The following SEPTIN10 variants were observed in gnomAD, a reference collection of about 807,000 sequenced individuals.
SEPTIN10 encodes septin 10.
A neutral mutation model predicts 54.8 loss-of-function variants in SEPTIN10; 66 were observed. The ratio of observed to expected loss-of-function variants is 1.21; its 90% CI spans 0.99 to 1.48. SEPTIN10 has a LOEUF of 1.48. Among genes scored for constraint, SEPTIN10 ranks in the 40% most tolerant of loss-of-function variants. The pLI is 0.00. For missense variants in SEPTIN10, 620 were observed against 545.6 expected (o/e 1.14, Z -1.36); for synonymous variants, 161 against 181.0 (o/e 0.89, Z 0.89).
chr2:109,548,018 C>A (rs1681761177), intron 9 of SEPTIN10, among the ~76,000 whole-genome samples: 1 of 152,080 alleles, frequency 6.6e-6, no homozygotes, highest in Non-Finnish European at 1.5e-5. Context: ...ATACCCCCAG[C>A]ACAGCACACA....
At chr2:109,545,964 C>A in intron 10 of SEPTIN10, 86 bp downstream of exon 10, 1 of 1,486,852 alleles carries the variant, frequency 6.7e-7, no homozygotes, top group South Asian at 1.4e-5. Flanking sequence ...CATAAGGAAG[C>A]AGAAGTAAGA....
intron 2 of SEPTIN10, among the ~76,000 whole-genome samples, chr2:109,588,407 C>A (rs1395704396): frequency 4.6e-5 from 7 of 151,806 alleles, no homozygotes; most frequent in Admixed American, 3.9e-4. Context: ...AGGTTACATG[C>A]ACAAGTAAAA....
intron 7 of SEPTIN10, 32 bp from the exon 8 acceptor site, chr2:109,564,566 C>A (rs1311604042): frequency 6.9e-7 from 1 of 1,445,098 alleles, no homozygotes; most frequent in Non-Finnish European, 9.2e-7. Context: ...AAGAACAACA[C>A]TGGATTTTAA....
At chr2:109,570,732 C>A (rs1003054354) in intron 5 of SEPTIN10, among the ~76,000 whole-genome samples, 1 of 152,018 alleles carries the variant, frequency 6.6e-6, no homozygotes, top group African/African-American at 2.4e-5. Flanking sequence ...CTGTGTTGGC[C>A]AGGCTGGTCT....
At chr2:109,584,986 ATTATT>A in intron 4 of SEPTIN10, 135 bp downstream of exon 4, 1 of 429,800 alleles carries the variant, frequency 2.3e-6, no homozygotes, top group Non-Finnish European at 4.1e-6. Context: ...ATATTGTTTA[ATTATT>A]TTATTTTTAA....
At chr2:109,611,423 C>A (rs1199020856) in intron 1 of SEPTIN10, among the ~76,000 whole-genome samples, 1 of 151,018 alleles carries the variant, frequency 6.6e-6, no homozygotes, top group East Asian at 1.9e-4. Context: ...ATTTTCAAAT[C>A]ACATATCTGA....
rs749559709 is a variant in SEPTIN10, at chr2:109,564,466, G to A, written c.928C>T (p.Leu310=). Residue 310 remains leucine, a synonymous_variant, in exon 8 of 11, where the codon CTG becomes TTG. Transcript: ENST00000397712. ...TGCCTGGTATGGGTCTGCTCTCGCA[G>A]GTCCTCCATATTTGTACAAATGAGC... ...EMLICTNMED[L]REQTHTRHYE... 5 of 1,591,336 alleles carry A rather than the reference G, an allele frequency of 3.1e-6. No homozygotes were observed. Among genetic ancestry groups the A allele is most frequent in the Non-Finnish European group, 4.3e-6 (5 of 1,165,834 alleles).
chr2:109,595,664 A>C (rs1400936788), intron 1 of SEPTIN10, among the ~76,000 whole-genome samples: 3 of 152,196 alleles, frequency 2.0e-5, no homozygotes, highest in Admixed American at 6.5e-5. Context: ...AAAAATCCCT[A>C]AACACCAGAA....
Position 109,574,631 on chromosome 2 carries a change from G to A in SEPTIN10, c.550C>T (p.His184Tyr). ...VCLYFISPTG[H>Y]SLKTLDLLTM... is the part of the protein sequence containing the mutation. Reference sequence around the variant, plus strand: ...AAGAGATCAAGTGTCTTCAGAGAGTGGCCTGTCGGTGAAATGAAGTAGAGA... The same window carrying A: ...AAGAGATCAAGTGTCTTCAGAGAGTAGCCTGTCGGTGAAATGAAGTAGAGA... Residue 184 changes from histidine (H) to tyrosine (Y), a missense_variant, in exon 5 of 11, where the codon CAC becomes TAC. Transcript: ENST00000397712. The A allele has an allele frequency of 6.2e-7, 1 of 1,605,344 alleles. No homozygotes were observed. Among genetic ancestry groups the A allele is most frequent in the Non-Finnish European group, 8.5e-7 (1 of 1,175,980 alleles).
chr2:109,585,371 A>G (rs1173005326), intron 3 of SEPTIN10, 50 bp from the exon 4 acceptor site: 2 of 1,427,676 alleles, frequency 1.4e-6, no homozygotes, highest in Non-Finnish European at 1.9e-6. Context: ...GGCTGAAAAG[A>G]AATACAACTG....
At chr2:109,595,271 G>A (rs1459084273) in intron 1 of SEPTIN10, among the ~76,000 whole-genome samples, 2 of 152,224 alleles carry the variant, frequency 1.3e-5, no homozygotes, top group Non-Finnish European at 2.9e-5. Context: ...GCACGCAAAA[G>A]CTCAGTGAGG....
Position 109,600,986 on chromosome 2 carries a change from C to T in SEPTIN10, c.31-7867G>A, listed in dbSNP as rs559778267. ...AGTCCCAAGCCCAGGGGCTTCTGTC[C>T]CCATGGAGGAGGGTATGCCACCCTC... On this transcript the variant is annotated intron_variant, in intron 1 of 10. Coordinates refer to ENST00000397712, the MANE Select transcript of SEPTIN10 (RefSeq NM_144710.5). 6.2e-4 allele frequency among the ~76,000 whole-genome samples: 95 copies of T among 152,200 alleles called. 1 individual carries two copies. The South Asian group carries it at 0.017, about 28-fold the overall frequency.
intron 5 of SEPTIN10, among the ~76,000 whole-genome samples, chr2:109,569,200 A>T (rs1420570102): frequency 6.6e-6 from 1 of 152,164 alleles, no homozygotes; most frequent in East Asian, 1.9e-4. Flanking sequence ...AGGCTGAGGC[A>T]GGTGGGTCAC....
At chr2:109,555,127 T>C (rs1191443596) in intron 8 of SEPTIN10, among the ~76,000 whole-genome samples, 1 of 152,196 alleles carries the variant, frequency 6.6e-6, no homozygotes, top group Admixed American at 6.5e-5. Context: ...TGTCACCCTC[T>C]AGATTTTCCA....
At chr2:109,612,326 G>A (rs879569386) in intron 1 of SEPTIN10, among the ~76,000 whole-genome samples, 9 of 152,338 alleles carry the variant, frequency 5.9e-5, no homozygotes, top group Admixed American at 2.0e-4. Flanking sequence ...AAAGAAGTGT[G>A]TGTGGTTATA....
chr2:109,568,217 A>C (rs550855919), intron 5 of SEPTIN10, among the ~76,000 whole-genome samples: 101 of 152,132 alleles, frequency 6.6e-4, no homozygotes, highest in Middle Eastern at 3.4e-3. Flanking sequence ...AGCAGAGATG[A>C]GTTGCTGCTG....
intron 6 of SEPTIN10, among the ~76,000 whole-genome samples, chr2:109,566,589 T>C (rs987377024): frequency 5.3e-5 from 8 of 152,182 alleles, no homozygotes; most frequent in African/African-American, 1.9e-4. Flanking sequence ...TGTATAGATA[T>C]GGTACTAATA....
chr2:109,556,028 A>ACCT (rs1684289187), intron 8 of SEPTIN10, among the ~76,000 whole-genome samples: 2 of 152,196 alleles, frequency 1.3e-5, no homozygotes, highest in African/African-American at 2.4e-5. Context: ...AGCCTCATTC[A>ACCT]TCTCTGTGAC....
At position 109,599,090 on chromosome 2, in the gene SEPTIN10, T is replaced by A. The variant is rs149222185; in HGVS notation, c.31-5971A>T. ...TCTAAAATTTTCTTAAAACAAGTAG[T>A]AACATTCAGTTATTCAAGCTAATGC... On this transcript the variant is annotated intron_variant, in intron 1 of 10. Transcript: ENST00000397712. Among the ~76,000 whole-genome samples the A allele has an allele frequency of 8.9e-3, 1,354 of 152,184 alleles. 16 individuals are homozygous for A. The highest frequency in any genetic ancestry group is 0.03 in the African/African-American group (1,241 of 41,522).
Sources: allele counts gnomAD v4.1 joint callset (sites outside exome capture counted in the v4.1 genomes callset), GRCh38; gene constraint gnomAD v4.1.1; transcripts MANE v1.5; gene names NCBI Gene and HGNC (gene_info 2026-07-23, HGNC 2026-07-21).